The following SGCZ variants were observed in gnomAD, a reference collection of about 807,000 sequenced individuals.
The protein encoded by SGCZ is sarcoglycan zeta.
SGCZ carries 40 observed loss-of-function variants against 41.3 expected under a neutral mutation model. That is an observed-to-expected ratio of 0.97 (90% confidence interval 0.75 to 1.26). The LOEUF is 1.26. Ranked by LOEUF, SGCZ falls within the 50% of genes most tolerant of loss-of-function variation. The probability of loss-of-function intolerance (pLI) is 0.00; values close to 1 mark genes in which losing one functional copy is unlikely to be tolerated. For synonymous variants in SGCZ, 206 were observed against 137.5 expected, an observed-to-expected ratio of 1.50 and a Z score of -3.49; for missense variants, 552 against 369.8, an observed-to-expected ratio of 1.49 and a Z score of -4.04.
chr8:14,461,997 A>G (rs902817187), intron 2 of SGCZ, among the ~76,000 whole-genome samples: 7 of 152,056 alleles, frequency 4.6e-5, no homozygotes, highest in Non-Finnish European at 1.0e-4. Flanking sequence ...ACTTTCAAAA[A>G]TTTACCTCAT....
At chr8:14,852,794 T>C (rs964442988) in intron 1 of SGCZ, among the ~76,000 whole-genome samples, 17 of 152,204 alleles carry the variant, frequency 1.1e-4, no homozygotes, top group African/African-American at 3.6e-4. Flanking sequence ...CTCCCATCTG[T>C]AGTGTTTCAT....
At chr8:14,860,447 AGAG>A (rs1803687511) in intron 1 of SGCZ, among the ~76,000 whole-genome samples, 1 of 150,820 alleles carries the variant, frequency 6.6e-6, no homozygotes, top group Middle Eastern at 3.8e-3. Context: ...GGGAAAGAGA[AGAG>A]AGAAGGAAAG....
intron 2 of SGCZ, among the ~76,000 whole-genome samples, chr8:14,482,069 C>G: frequency 6.6e-6 from 1 of 152,108 alleles, no homozygotes; most frequent in East Asian, 1.9e-4. Flanking sequence ...AAGCGAGTAT[C>G]TTAAATTTAA....
intron 7 of SGCZ, 135 bp from the exon 8 acceptor site, chr8:14,090,772 T>A (rs1055020320): frequency 9.3e-6 from 7 of 751,870 alleles, no homozygotes; most frequent in Non-Finnish European, 1.5e-5. Flanking sequence ...CATGCTTTGT[T>A]GAACAAACAA....
intron 1 of SGCZ, among the ~76,000 whole-genome samples, chr8:14,875,185 G>C (rs909260442): frequency 2.0e-5 from 3 of 152,172 alleles, no homozygotes; most frequent in Non-Finnish European, 4.4e-5. Flanking sequence ...AAATGATACC[G>C]TGTTGCTACA....
At chr8:15,162,298 A>C (rs1352710155) in intron 1 of SGCZ, among the ~76,000 whole-genome samples, 1 of 152,204 alleles carries the variant, frequency 6.6e-6, no homozygotes, top group Non-Finnish European at 1.5e-5. Flanking sequence ...AATTTTTTTA[A>C]AAAACGGCCA....
rs80068410 is a variant in SGCZ, at chr8:14,435,983, G to T, written c.235-111779C>A. 5.8e-4 allele frequency among the ~76,000 whole-genome samples: 89 copies of T among 152,306 alleles called. 2 individuals are homozygous for T. Among genetic ancestry groups the T allele is most frequent in the African/African-American group, 1.9e-3 (79 of 41,566 alleles). On this transcript the variant is annotated intron_variant, in intron 2 of 7. Transcript: ENST00000382080. ...AAGTGTTTCAATGCTCCTAGGACCA[G>T]CTAGGTATGGGGAAACATAAAGGAA...
chr8:14,603,338 GTCA>G (rs1261110441), intron 1 of SGCZ, among the ~76,000 whole-genome samples: 7 of 152,062 alleles, frequency 4.6e-5, no homozygotes, highest in Non-Finnish European at 1.0e-4. Flanking sequence ...TATCAGTTAA[GTCA>G]TTTGAGCATG....
intron 1 of SGCZ, among the ~76,000 whole-genome samples, chr8:14,854,632 A>C (rs899669511): frequency 6.6e-6 from 1 of 152,232 alleles, no homozygotes; most frequent in African/African-American, 2.4e-5. Context: ...TTTTGAATAC[A>C]TACAGTAATA....
intron 5 of SGCZ, among the ~76,000 whole-genome samples, chr8:14,146,735 A>G (rs1172819239): frequency 1.3e-5 from 2 of 148,834 alleles, no homozygotes; most frequent in Non-Finnish European, 3.0e-5. Flanking sequence ...AGCCGGGCGT[A>G]GTGGCGGGCG....
At chr8:14,908,829 C>T (rs1799197941) in intron 1 of SGCZ, among the ~76,000 whole-genome samples, 1 of 150,240 alleles carries the variant, frequency 6.7e-6, no homozygotes, top group South Asian at 2.1e-4. Flanking sequence ...TACAAAGTTT[C>T]TGATATTCTG....
chr8:14,633,723 A>C (rs1038707528), intron 1 of SGCZ, among the ~76,000 whole-genome samples: 1 of 151,830 alleles, frequency 6.6e-6, no homozygotes, highest in African/African-American at 2.4e-5. Context: ...TAATTCAACA[A>C]GTTTAGCCTC....
intron 5 of SGCZ, among the ~76,000 whole-genome samples, chr8:14,130,863 C>A (rs1049789335): frequency 3.3e-5 from 5 of 152,122 alleles, no homozygotes; most frequent in African/African-American, 1.2e-4. Flanking sequence ...AGCAAGCAAG[C>A]AACATGGTGC....
intron 1 of SGCZ, among the ~76,000 whole-genome samples, chr8:14,700,757 A>G (rs1809108534): frequency 6.6e-6 from 1 of 152,020 alleles, no homozygotes; most frequent in Non-Finnish European, 1.5e-5. Flanking sequence ...AATATGATAA[A>G]GCACACAAAA....
chr8:14,217,089 C>T (rs35789757), intron 4 of SGCZ, among the ~76,000 whole-genome samples: 36,222 of 151,946 alleles, frequency 0.24, 5,562 homozygotes, highest in Non-Finnish European at 0.34. Flanking sequence ...GGATAGAGAC[C>T]ATCCTGCCTA....
At chr8:14,114,179 G>C (rs922186759) in intron 5 of SGCZ, among the ~76,000 whole-genome samples, 10 of 151,872 alleles carry the variant, frequency 6.6e-5, no homozygotes, top group Non-Finnish European at 1.3e-4. Context: ...ACATAGTTAA[G>C]GATCAGTAAA....
At chr8:14,604,553 G>T (rs1430100118) in intron 1 of SGCZ, among the ~76,000 whole-genome samples, 1 of 151,992 alleles carries the variant, frequency 6.6e-6, no homozygotes, top group Non-Finnish European at 1.5e-5. Context: ...ACTTTTAGAA[G>T]GCTTGTTTAC....
At chr8:14,622,265 T>C (rs1199022046) in intron 1 of SGCZ, among the ~76,000 whole-genome samples, 2 of 152,122 alleles carry the variant, frequency 1.3e-5, no homozygotes, top group African/African-American at 2.4e-5. Context: ...TGAGTAACTG[T>C]TAAATGTGGC....
intron 1 of SGCZ, 96 bp downstream of exon 1, chr8:15,237,489 C>T: frequency 6.9e-7 from 1 of 1,445,342 alleles, no homozygotes; most frequent in Non-Finnish European, 9.5e-7. Flanking sequence ...GCGGGACCAC[C>T]AACTACTCCG....
Sources: allele counts gnomAD v4.1 joint callset (sites outside exome capture counted in the v4.1 genomes callset), GRCh38; gene constraint gnomAD v4.1.1; transcripts MANE v1.5; gene names NCBI Gene and HGNC (gene_info 2026-07-23, HGNC 2026-07-21).